GNA14: variants seen among roughly 807,000 people sequenced by gnomAD.
GNA14 encodes the protein guanine nucleotide-binding protein subunit alpha-14.
GNA14 carries 50 observed loss-of-function variants against 42.0 expected under a neutral mutation model. That is an observed-to-expected ratio of 1.19 (90% CI 0.95 to 1.51). GNA14 has a LOEUF of 1.51. Ranked by LOEUF, GNA14 falls within the 40% of genes most tolerant of loss-of-function variation. The pLI is 0.00. For synonymous variants in GNA14, 173 were observed against 163.1 expected (o/e 1.06, Z -0.46); for missense variants, 473 against 446.2 (o/e 1.06, Z -0.54).
At chr9:77,491,206 AAAG>A (rs1417973693) in intron 2 of GNA14, among the ~76,000 whole-genome samples, 1 of 152,264 alleles carries the variant, frequency 6.6e-6, no homozygotes, top group African/African-American at 2.4e-5. Flanking sequence ...AGAAATGCTA[AAAG>A]AAGTTCTTCA....
At chr9:77,490,514 C>T (rs965081977) in intron 2 of GNA14, among the ~76,000 whole-genome samples, 1 of 152,240 alleles carries the variant, frequency 6.6e-6, no homozygotes, top group African/African-American at 2.4e-5. Flanking sequence ...GGCTGCAGTC[C>T]CGAGGCCTGC....
intron 1 of GNA14, among the ~76,000 whole-genome samples, chr9:77,577,002 A>C (rs1381545275): frequency 1.3e-5 from 2 of 152,186 alleles, no homozygotes; most frequent in Non-Finnish European, 2.9e-5. Flanking sequence ...TCCATGAGGT[A>C]GTAGTATGTG....
chr9:77,644,214 C>T (rs903976772), intron 1 of GNA14, among the ~76,000 whole-genome samples: 8 of 151,954 alleles, frequency 5.3e-5, no homozygotes, highest in Non-Finnish European at 5.9e-5. Context: ...CCTGTAATCC[C>T]GACACTTTGG....
chr9:77,628,772 A>C (rs1361946454), intron 1 of GNA14, among the ~76,000 whole-genome samples: 1 of 152,224 alleles, frequency 6.6e-6, no homozygotes, highest in East Asian at 1.9e-4. Context: ...TAAGACCTAA[A>C]ACCATAAAAA....
chr9:77,462,955 G>A (rs1836139900), intron 2 of GNA14, among the ~76,000 whole-genome samples: 1 of 152,112 alleles, frequency 6.6e-6, no homozygotes, highest in African/African-American at 2.4e-5. Context: ...TCCAGCAGAG[G>A]AGTAACCCAC....
intron 3 of GNA14, chr9:77,431,827 C>T (rs748037318): frequency 3.3e-5 from 6 of 182,820 alleles, no homozygotes; most frequent in South Asian, 1.8e-4. Context: ...CCCCTTCTCC[C>T]TCCCACTCAC....
chr9:77,573,976 C>T (rs1823096329), intron 1 of GNA14, among the ~76,000 whole-genome samples: 1 of 152,106 alleles, frequency 6.6e-6, no homozygotes, highest in Non-Finnish European at 1.5e-5. Context: ...CATAACCTCA[C>T]TTTGTAAACC....
intron 2 of GNA14, among the ~76,000 whole-genome samples, chr9:77,500,805 G>T (rs569106743): frequency 1.0e-3 from 154 of 152,312 alleles, no homozygotes; most frequent in African/African-American, 3.5e-3. Context: ...TTGCTGAGTG[G>T]TAACAAAGGC....
intron 1 of GNA14, among the ~76,000 whole-genome samples, chr9:77,566,145 C>CT (rs956489720): frequency 0.021 from 2,137 of 102,468 alleles, 51 homozygotes; most frequent in African/African-American, 0.028. Context: ...GGGAGTGCTT[C>CT]TTTTTTTTTT....
At chr9:77,512,058 C>A (rs888916094) in intron 2 of GNA14, among the ~76,000 whole-genome samples, 1 of 151,938 alleles carries the variant, frequency 6.6e-6, no homozygotes, top group African/African-American at 2.4e-5. Context: ...GGTGACAGAG[C>A]CCCCACTGCC....
chr9:77,475,873 T>C (rs1254125608), intron 2 of GNA14, among the ~76,000 whole-genome samples: 2 of 152,042 alleles, frequency 1.3e-5, no homozygotes, highest in Non-Finnish European at 2.9e-5. Flanking sequence ...GGTGTTGGGG[T>C]TCTGGGGTAC....
At chr9:77,640,484 G>A (rs924780912) in intron 1 of GNA14, among the ~76,000 whole-genome samples, 2 of 151,952 alleles carry the variant, frequency 1.3e-5, no homozygotes, top group African/African-American at 2.4e-5. Context: ...AGACTAGAAG[G>A]CATCTTTTAA....
At chr9:77,566,292 T>C (rs1327012472) in intron 1 of GNA14, among the ~76,000 whole-genome samples, 1 of 151,770 alleles carries the variant, frequency 6.6e-6, no homozygotes, top group Non-Finnish European at 1.5e-5. Flanking sequence ...GTAGCTGGGA[T>C]TACAGGCGTG....
At chr9:77,506,318 T>G (rs1278066177) in intron 2 of GNA14, among the ~76,000 whole-genome samples, 1 of 151,526 alleles carries the variant, frequency 6.6e-6, no homozygotes, top group Non-Finnish European at 1.5e-5. Flanking sequence ...GAAACTAATT[T>G]TAATAAAATA....
chr9:77,633,979 G>C (rs13289616), intron 1 of GNA14, among the ~76,000 whole-genome samples: 1 of 151,968 alleles, frequency 6.6e-6, no homozygotes, highest in African/African-American at 2.4e-5. Flanking sequence ...CATTAGGTAT[G>C]ACAGAAAAAG....
At chr9:77,576,293 A>C (rs1823127321) in intron 1 of GNA14, among the ~76,000 whole-genome samples, 1 of 152,320 alleles carries the variant, frequency 6.6e-6, no homozygotes, top group East Asian at 1.9e-4. Flanking sequence ...AAAGATAGTT[A>C]TGACTTGAGC....
intron 1 of GNA14, among the ~76,000 whole-genome samples, chr9:77,643,091 C>A (rs1196309158): frequency 6.6e-6 from 1 of 152,178 alleles, no homozygotes; most frequent in Non-Finnish European, 1.5e-5. Context: ...TGTGAACTGT[C>A]CTTCTCCAAC....
At chr9:77,586,976 GT>G (rs3052396) in intron 1 of GNA14, among the ~76,000 whole-genome samples, 29,500 of 142,888 alleles carry the variant, frequency 0.21, 8,273 homozygotes, top group African/African-American at 0.64. Context: ...TTACAGGCTG[GT>G]TTTTTTTTTT....
At chr9:77,442,352 A>G (rs1365512116) in intron 2 of GNA14, among the ~76,000 whole-genome samples, 1 of 152,234 alleles carries the variant, frequency 6.6e-6, no homozygotes, top group Non-Finnish European at 1.5e-5. Flanking sequence ...AGCCTGGGCA[A>G]CAGAGTGAGA....
Sources: gnomAD v4.1 joint callset for allele counts (sites outside exome capture counted in the v4.1 genomes callset) on GRCh38, gnomAD v4.1.1 for gene constraint, MANE v1.5 for transcripts, NCBI Gene and HGNC (gene_info 2026-07-23, HGNC 2026-07-21) for gene names.